FARS2: variants seen among roughly 807,000 people sequenced by gnomAD.
FARS2 encodes phenylalanine--tRNA ligase, mitochondrial.
FARS2 carries 40 observed loss-of-function variants against 46.4 expected under a neutral mutation model. The observed-to-expected ratio is 0.86, with a 90% confidence interval of 0.67 to 1.12. The LOEUF (loss-of-function observed/expected upper bound fraction) is 1.12, where lower values mean the gene tolerates loss of function less well. FARS2 is among the 50% of genes most tolerant of loss of function. The probability of loss-of-function intolerance (pLI) is 0.00; values close to 1 mark genes in which losing one functional copy is unlikely to be tolerated. For missense variants in FARS2, 513 were observed against 567.9 expected (o/e 0.90, Z 0.98); for synonymous variants, 234 against 214.9 (o/e 1.09, Z -0.78).
At chr6:5,618,967 T>C (rs943505044) in intron 6 of FARS2, among the ~76,000 whole-genome samples, 7 of 152,224 alleles carry the variant, frequency 4.6e-5, no homozygotes, top group African/African-American at 1.7e-4. Context: ...TATGAATACA[T>C]TGATCATCTT....
intron 6 of FARS2, among the ~76,000 whole-genome samples, chr6:5,761,774 C>A (rs1467470770): frequency 1.3e-5 from 2 of 149,852 alleles, no homozygotes; most frequent in African/African-American, 5.0e-5. Flanking sequence ...TTAAATATGG[C>A]CAGACCCTGC....
chr6:5,745,292 C>A (rs1398984155), intron 6 of FARS2, among the ~76,000 whole-genome samples: 2 of 152,238 alleles, frequency 1.3e-5, no homozygotes, highest in African/African-American at 4.8e-5. Flanking sequence ...CCACCCATGG[C>A]CTTGTGCCAG....
In FARS2 at chr6:5,701,234, G is replaced by A. The variant is rs527724749; in HGVS notation, c.1218-70057G>A. Among the ~76,000 whole-genome samples, 184 of 152,356 alleles carry A rather than the reference G, an allele frequency of 1.2e-3. 1 individual carries two copies. Among genetic ancestry groups the A allele is most frequent in the African/African-American group, 4.3e-3 (179 of 41,590 alleles). On this transcript the variant is annotated intron_variant, in intron 6 of 6. Coordinates refer to ENST00000274680, the MANE Select transcript of FARS2 (RefSeq NM_006567.5). ...CCGGGCTCTGCCCCTAGCAGCCCCC[G>A]GAGAGTTAGGGCCCCGTGTGCACAT...
chr6:5,299,020 A>G (rs1340597992), intron 1 of FARS2, among the ~76,000 whole-genome samples: 1 of 152,122 alleles, frequency 6.6e-6, no homozygotes, highest in Non-Finnish European at 1.5e-5. Flanking sequence ...TTTATAGAGT[A>G]TGTTTTTATA....
intron 3 of FARS2, among the ~76,000 whole-genome samples, chr6:5,414,895 A>C (rs556787571): frequency 4.9e-5 from 7 of 143,962 alleles, no homozygotes; most frequent in Admixed American, 4.4e-4. Context: ...GGCTCACTGC[A>C]ACCTCCGTCT....
rs78625279 is a variant in FARS2, at chr6:5,387,172, T to C, written c.613-17370T>C. Reference sequence around the variant, plus strand: ...TAAAGGAAAGAATGGAATATATTCATAGAGGAGAAAGAGCCTTTGGAGAGA... The same window carrying C: ...TAAAGGAAAGAATGGAATATATTCACAGAGGAGAAAGAGCCTTTGGAGAGA... On this transcript the variant is annotated intron_variant, in intron 2 of 6. Transcript: ENST00000274680. 1.5e-3 allele frequency among the ~76,000 whole-genome samples: 224 copies of C among 152,270 alleles called. 2 individuals carry two copies. The highest frequency in any genetic ancestry group is 6.8e-3 in the Middle Eastern group (2 of 294).
intron 5 of FARS2, among the ~76,000 whole-genome samples, chr6:5,596,725 G>A (rs1774220906): frequency 6.6e-6 from 1 of 152,188 alleles, no homozygotes; most frequent in Non-Finnish European, 1.5e-5. Context: ...TTTGGGTGGA[G>A]GTGAGATGTG....
intron 4 of FARS2, among the ~76,000 whole-genome samples, chr6:5,507,738 G>A (rs981385850): frequency 2.0e-5 from 3 of 152,244 alleles, no homozygotes; most frequent in Non-Finnish European, 2.9e-5. Context: ...CGGCTAGTGG[G>A]TCAGACTGCG....
At chr6:5,585,531 C>G (rs557742503) in intron 5 of FARS2, among the ~76,000 whole-genome samples, 2 of 151,918 alleles carry the variant, frequency 1.3e-5, no homozygotes, top group South Asian at 4.2e-4. Context: ...GTTAGTTCAA[C>G]TTTTTAAAGA....
At chr6:5,440,709 G>A (rs1251941387) in intron 4 of FARS2, among the ~76,000 whole-genome samples, 2 of 152,102 alleles carry the variant, frequency 1.3e-5, no homozygotes, top group African/African-American at 2.4e-5. Flanking sequence ...TAGAAGTGGA[G>A]GGGGGGTGTC....
chr6:5,514,798 A>C (rs1582322759), intron 4 of FARS2, among the ~76,000 whole-genome samples: 1 of 150,208 alleles, frequency 6.7e-6, no homozygotes, highest in Non-Finnish European at 1.5e-5. Flanking sequence ...ATGGAGTCTC[A>C]CTGTGTTGCC....
rs1168881908 is a variant in FARS2, at chr6:5,300,856, A to AT, written c.-22+39205dup. On this transcript the variant is annotated intron_variant, in intron 1 of 6. Transcript: ENST00000274680. ...CTGGCTAATTTTTTTTATTTAAAAAATTTTTTTTTGTAGAGATGGGGTCTT... is the reference window on the plus strand; with the variant it reads ...CTGGCTAATTTTTTTTATTTAAAAAATTTTTTTTTTGTAGAGATGGGGTCTT... Among the ~76,000 whole-genome samples the AT allele has an allele frequency of 1.2e-3, 189 of 151,504 alleles. 2 individuals carry two copies. Among genetic ancestry groups the AT allele is most frequent in the African/African-American group, 4.0e-3 (165 of 41,330 alleles).
chr6:5,681,336 G>C (rs1280411624), intron 6 of FARS2, among the ~76,000 whole-genome samples: 3 of 152,078 alleles, frequency 2.0e-5, no homozygotes, highest in Non-Finnish European at 2.9e-5. Context: ...TATAACAATG[G>C]GCTTAAAGGG....
At chr6:5,648,338 T>C (rs1171064000) in intron 6 of FARS2, among the ~76,000 whole-genome samples, 6 of 152,216 alleles carry the variant, frequency 3.9e-5, no homozygotes, top group African/African-American at 1.4e-4. Flanking sequence ...TGCTGTCACT[T>C]ACTGGCAAGA....
intron 6 of FARS2, among the ~76,000 whole-genome samples, chr6:5,633,298 CAG>C (rs1268390768): frequency 2.1e-5 from 2 of 95,624 alleles, no homozygotes; most frequent in African/African-American, 8.6e-5. Flanking sequence ...TTTTTTGTGA[CAG>C]AGTCTCGCTC....
chr6:5,303,804 A>C (rs2127537695), intron 1 of FARS2, among the ~76,000 whole-genome samples: 1 of 152,262 alleles, frequency 6.6e-6, no homozygotes, highest in East Asian at 1.9e-4. Flanking sequence ...AGCTGACAGT[A>C]TGTGAAGTGC....
intron 6 of FARS2, among the ~76,000 whole-genome samples, chr6:5,671,226 A>G (rs1778438947): frequency 6.6e-6 from 1 of 152,220 alleles, no homozygotes; most frequent in Non-Finnish European, 1.5e-5. Context: ...AGGAGGAGGA[A>G]GTTGCAGTGT....
intron 6 of FARS2, among the ~76,000 whole-genome samples, chr6:5,738,744 TA>T (rs1184075923): frequency 1.8e-4 from 26 of 147,738 alleles, no homozygotes; most frequent in African/African-American, 6.4e-4. Context: ...ACAGTTAAAA[TA>T]AAAAAACTTA....
chr6:5,439,051 G>A (rs1763695075), intron 4 of FARS2, among the ~76,000 whole-genome samples: 1 of 152,192 alleles, frequency 6.6e-6, no homozygotes, highest in African/African-American at 2.4e-5. Context: ...GTGAGCTCTA[G>A]GCTTTGAGTG....
Sources: gnomAD v4.1 joint callset for allele counts (sites outside exome capture counted in the v4.1 genomes callset) on GRCh38, gnomAD v4.1.1 for gene constraint, MANE v1.5 for transcripts, NCBI Gene and HGNC (gene_info 2026-07-23, HGNC 2026-07-21) for gene names.